Variants in CHEK1 observed in about 807,000 individuals in gnomAD.
CHEK1 encodes checkpoint kinase 1.
In CHEK1, 32 loss-of-function variants were observed where a neutral mutation model predicts 60.2. The observed-to-expected ratio is 0.53, with a 90% CI of 0.40 to 0.71. The LOEUF (loss-of-function observed/expected upper bound fraction) is 0.71, where lower values mean the gene tolerates loss of function less well. Among genes scored for constraint, CHEK1 ranks in the 30% least tolerant of loss-of-function variants. CHEK1 has a pLI of 0.00. For missense variants in CHEK1, 399 were observed against 564.6 expected, an observed-to-expected ratio of 0.71 and a Z score of 2.97; for synonymous variants, 179 against 187.2, an observed-to-expected ratio of 0.96 and a Z score of 0.36.
chr11:125,654,859 G>A (rs1285827568), intron 12 of CHEK1, among the ~76,000 whole-genome samples: 1 of 152,190 alleles, frequency 6.6e-6, no homozygotes, highest in Non-Finnish European at 1.5e-5. Flanking sequence ...GTAGTGTTAT[G>A]ACAACAAGAC....
chr11:125,630,809 G>C (rs1565364376), intron 5 of CHEK1, among the ~76,000 whole-genome samples: 1 of 152,044 alleles, frequency 6.6e-6, no homozygotes, highest in East Asian at 1.9e-4. Flanking sequence ...TCGTATATAA[G>C]AATGCTCACA....
At chr11:125,680,120 G>A (rs893178005), downstream of CHEK1, among the ~76,000 whole-genome samples, 2 of 152,170 alleles carry the variant, frequency 1.3e-5, no homozygotes, top group Non-Finnish European at 2.9e-5. Flanking sequence ...ACCTCTGACA[G>A]TCGACATTAT....
chr11:125,663,357 AAATT>A (rs1056685695), intron 13 of CHEK1, among the ~76,000 whole-genome samples: 7 of 152,158 alleles, frequency 4.6e-5, no homozygotes, highest in African/African-American at 1.4e-4. Context: ...GAAGCATTTC[AAATT>A]AATTTTCGTA....
chr11:125,632,320 T>C (rs1940898230), intron 5 of CHEK1, among the ~76,000 whole-genome samples: 1 of 152,230 alleles, frequency 6.6e-6, no homozygotes, highest in Non-Finnish European at 1.5e-5. Flanking sequence ...GAATTGCTAG[T>C]TCAAAGAGTG....
At chr11:125,626,680 A>C in intron 1 of CHEK1, 69 bp from the exon 2 acceptor site, 1 of 1,396,098 alleles carries the variant, frequency 7.2e-7, no homozygotes, top group Non-Finnish European at 1.0e-6. Flanking sequence ...TCCTGGGGAG[A>C]GGCGGGGCTC....
chr11:125,627,164 T>C (rs889366383), intron 2 of CHEK1, among the ~76,000 whole-genome samples: 2 of 152,206 alleles, frequency 1.3e-5, no homozygotes, highest in Non-Finnish European at 2.9e-5. Flanking sequence ...TGGTCATTGT[T>C]TTGTGATCTT....
intron 13 of CHEK1, among the ~76,000 whole-genome samples, chr11:125,662,668 T>C (rs1278043123): frequency 6.6e-6 from 1 of 152,216 alleles, no homozygotes; most frequent in Non-Finnish European, 1.5e-5. Context: ...TCTTTTGCTA[T>C]TGTGACTAAA....
chr11:125,665,278 A>T (rs2136082122), intron 13 of CHEK1, among the ~76,000 whole-genome samples: 2 of 140,714 alleles, frequency 1.4e-5, no homozygotes, highest in East Asian at 2.1e-4. Flanking sequence ...TTGATATGTC[A>T]TGTTTATTGA....
rs75765240 is a variant in CHEK1, at chr11:125,641,722, C to T, written c.815-2070C>T. 4.5e-4 allele frequency among the ~76,000 whole-genome samples: 68 copies of T among 152,084 alleles called. 1 individual carries two copies. In the East Asian group the frequency reaches 0.013, roughly 28 times the overall value. ...CCTTCATTTTTCTCATTCTCTTTTACTTCACATCCAGTACACCAGCTAATT... is the reference window on the plus strand; with the variant it reads ...CCTTCATTTTTCTCATTCTCTTTTATTTCACATCCAGTACACCAGCTAATT... On this transcript the variant is annotated intron_variant, in intron 8 of 12. Coordinates refer to ENST00000438015, the MANE Select transcript of CHEK1 (RefSeq NM_001114122.3).
Position 125,629,264 on chromosome 11 carries a change from CAG to C in CHEK1, c.326_327del (p.Arg109IlefsTer23). The C allele has an allele frequency of 6.2e-7, 1 of 1,614,128 alleles. No homozygotes were observed. Among genetic ancestry groups the C allele is most frequent in the Non-Finnish European group, 8.5e-7 (1 of 1,180,004 alleles). On this transcript the variant is annotated frameshift_variant, in exon 4 of 13. Coordinates refer to ENST00000438015, the MANE Select transcript of CHEK1 (RefSeq NM_001114122.3). LOFTEE classifies it high-confidence loss of function. ...CATAGGCATGCCTGAACCAGATGCT[CAG>C]AGATTCTTCCATCAACTCATGGCAG... ...PDIGMPEPDA[Q>X]RFFHQLMAGV...
At chr11:125,679,226 T>G (rs1244347483), downstream of CHEK1, among the ~76,000 whole-genome samples, 1 of 145,664 alleles carries the variant, frequency 6.9e-6, no homozygotes, top group African/African-American at 2.5e-5. Context: ...CTTTTTTTTT[T>G]TTTGTTTCAA....
chr11:125,672,770 A>T, intron 13 of CHEK1: 1 of 1,606,688 alleles, frequency 6.2e-7, no homozygotes, highest in Non-Finnish European at 8.5e-7. Context: ...CTCCAACCTT[A>T]GCCTTTATCT....
At chr11:125,669,593 G>A (rs533317347) in intron 13 of CHEK1, among the ~76,000 whole-genome samples, 50 of 141,210 alleles carry the variant, frequency 3.5e-4, no homozygotes, top group Admixed American at 9.9e-4. Context: ...GTGCGATCTC[G>A]GCTCACTGCA....
At chr11:125,664,389 A>G (rs528118939) in intron 13 of CHEK1, among the ~76,000 whole-genome samples, 172 of 151,994 alleles carry the variant, frequency 1.1e-3, no homozygotes, top group African/African-American at 3.8e-3. Flanking sequence ...ACCCGCCACT[A>G]CGCCTGGCTA....
chr11:125,642,861 GGTAGTCTTGGGAATTACAGAAAAGT>G (rs1363076684), intron 8 of CHEK1: 2 of 152,130 alleles, frequency 1.3e-5, no homozygotes, highest in African/African-American at 4.8e-5. Flanking sequence ...GGTACTGGAT[GGTAGTCTTGGGAATTACAGAAAAGT>G]GTAGTTTTGA....
At chr11:125,640,425 C>T (rs1941245912) in intron 8 of CHEK1, among the ~76,000 whole-genome samples, 1 of 151,298 alleles carries the variant, frequency 6.6e-6, no homozygotes, top group Admixed American at 6.6e-5. Context: ...CCTGTAGTCC[C>T]AGCTACTCGG....
At chr11:125,629,627 G>T (rs999871138) in intron 5 of CHEK1, among the ~76,000 whole-genome samples, 167 bp downstream of exon 5, 7 of 152,102 alleles carry the variant, frequency 4.6e-5, no homozygotes, top group Non-Finnish European at 7.4e-5. Context: ...TGGAGACTTC[G>T]TATATTTGGA....
intron 13 of CHEK1, among the ~76,000 whole-genome samples, chr11:125,671,341 A>G (rs891830672): frequency 3.3e-5 from 5 of 152,078 alleles, no homozygotes; most frequent in African/African-American, 1.2e-4. Context: ...CCAAGTTGAA[A>G]ATTCATTTAG....
chr11:125,640,080 C>T (rs1019893288), intron 8 of CHEK1, among the ~76,000 whole-genome samples: 19 of 152,202 alleles, frequency 1.2e-4, no homozygotes, highest in African/African-American at 4.1e-4. Flanking sequence ...CCTAAAATTG[C>T]TTCTCATCTC....
Sources: allele counts gnomAD v4.1 joint callset (sites outside exome capture counted in the v4.1 genomes callset), GRCh38; gene constraint gnomAD v4.1.1; transcripts MANE v1.5; gene names NCBI Gene and HGNC (gene_info 2026-07-23, HGNC 2026-07-21).